SREBF1: variants seen among roughly 807,000 people sequenced by gnomAD.
The protein encoded by SREBF1 is sterol regulatory element-binding protein 1.
A neutral mutation model predicts 100.1 loss-of-function variants in SREBF1; 45 were observed. That is an observed-to-expected ratio of 0.45 (90% CI 0.35 to 0.58). The LOEUF (loss-of-function observed/expected upper bound fraction) is 0.58. Among genes scored for constraint, SREBF1 ranks in the 20% least tolerant of loss-of-function variants. SREBF1 has a pLI of 0.00. For missense variants in SREBF1, 1,324 were observed against 1,539.4 expected, an observed-to-expected ratio of 0.86 and a Z score of 2.34; for synonymous variants, 657 against 681.8, an observed-to-expected ratio of 0.96 and a Z score of 0.57.
At chr17:17,816,162 GGA>G in intron 11 of SREBF1, 43 bp downstream of exon 11, 1 of 761,682 alleles carries the variant, frequency 1.3e-6, no homozygotes, top group Non-Finnish European at 1.6e-6. Context: ...GGGAGCCTCT[GGA>G]GAGAGCTGCA....
chr17:17,826,618 C>T lies in SREBF1; in HGVS notation c.92-6097G>A, dbSNP rs1213347140. 2.0e-5 allele frequency among the ~76,000 whole-genome samples: 3 copies of T among 152,220 alleles called. No homozygotes were observed. The East Asian group carries it at 5.8e-4, about 29-fold the overall frequency. On this transcript the variant is annotated intron_variant, in intron 1 of 18. Coordinates refer to ENST00000261646, the MANE Select transcript of SREBF1 (RefSeq NM_004176.5). ...AGGCTTGTGAAGCCCTGCCACCCCTCCCCAAGCCTGGGTTCCTCCTCTTCC... is the reference window on the plus strand; with the variant it reads ...AGGCTTGTGAAGCCCTGCCACCCCTTCCCAAGCCTGGGTTCCTCCTCTTCC...
At chr17:17,820,962 G>C in intron 1 of SREBF1, 1 of 247,870 alleles carries the variant, frequency 4.0e-6, no homozygotes, top group Non-Finnish European at 8.1e-6. Context: ...AGCATGTGCT[G>C]AGTGCTGAGT....
rs529689353 is a variant in SREBF1, at chr17:17,815,967, G to A, written c.2276C>T (p.Ala759Val). The change falls in exon 12 of 19, where the codon GCC becomes GTC. Residue 759 changes from alanine to valine, a missense_variant. Physicochemically the swap from Ala to Val is moderately conservative, Grantham distance 64 (BLOSUM62 0). Coordinates refer to ENST00000261646, the MANE Select transcript of SREBF1 (RefSeq NM_004176.5). ...CLAQSGSVPP[A>V]MQWLCHPVGH... is the part of the protein sequence containing the mutation. ...CACGGGGTGGCAGAGCCACTGCATG[G>A]CAGGAGGCACTGAGCCACTCTGTGC... 6.2e-7 allele frequency: 1 copy of A among 1,612,884 alleles called. No homozygotes were observed. The highest frequency in any genetic ancestry group is 2.2e-5 in the East Asian group (1 of 44,876).
chr17:17,816,841 C>T, intron 9 of SREBF1, 117 bp downstream of exon 9: 1 of 1,589,812 alleles, frequency 6.3e-7, no homozygotes, highest in Non-Finnish European at 8.6e-7. Context: ...TGGCTAGGCA[C>T]AGGGAGGACG....
rs74630210 is a variant in SREBF1 at position 17,834,254 on chromosome 17, A to T, written c.91+2473T>A. On this transcript the variant is annotated intron_variant, in intron 1 of 18. Coordinates refer to ENST00000261646, the MANE Select transcript of SREBF1 (RefSeq NM_004176.5). Reference sequence around the variant, plus strand: ...CTACAGGCACATGTCACCCACACCCAGCTAATTTTTTATTTTTGTAGAGAC... The same window carrying T: ...CTACAGGCACATGTCACCCACACCCTGCTAATTTTTTATTTTTGTAGAGAC... 3.3e-4 allele frequency among the ~76,000 whole-genome samples: 50 copies of T among 152,224 alleles called. No homozygotes were observed. The East Asian group carries it at 7.2e-3, about 22-fold the overall frequency.
intron 1 of SREBF1, among the ~76,000 whole-genome samples, chr17:17,830,003 A>G (rs1598138742): frequency 6.6e-6 from 1 of 152,074 alleles, no homozygotes; most frequent in Non-Finnish European, 1.5e-5. Flanking sequence ...GGTGCTCCCC[A>G]CTGGCCTAGT....
In SREBF1 at chr17:17,812,127, A is replaced by T. The variant is rs557095159; in HGVS notation, c.*495T>A. 10 of 424,416 alleles carry T rather than the reference A, an allele frequency of 2.4e-5. No individual in the cohort carries two copies. Among genetic ancestry groups the T allele is most frequent in the African/African-American group, 2.1e-4 (10 of 47,420 alleles). 26.3% of individuals were successfully genotyped at this position (424,416 alleles called of 1,614,324 possible). On this transcript the variant is annotated 3_prime_UTR_variant, in exon 19 of 19. Coordinates refer to ENST00000261646, the MANE Select transcript of SREBF1 (RefSeq NM_004176.5). Reference sequence around the variant, plus strand: ...TCTGTACAAAACTTCTCAATCTATGAAAATAAAGTTTGCAAAAGGCAAAGT... The same window carrying T: ...TCTGTACAAAACTTCTCAATCTATGTAAATAAAGTTTGCAAAAGGCAAAGT...
Position 17,819,356 on chromosome 17 carries a change from C to CA in SREBF1, c.809dup (p.Val271GlyfsTer62). 3 of 1,613,840 alleles carry CA rather than the reference C, an allele frequency of 1.9e-6. No homozygotes were observed. The highest frequency in any genetic ancestry group is 2.5e-6 in the Non-Finnish European group (3 of 1,180,050). ...CTGTCTGCACAGTGGTGCCAGAGAC[C>CA]AGGGGACTGAGACCTGCCGCCTTCA... On this transcript the variant is annotated frameshift_variant, in exon 4 of 19. Transcript: ENST00000261646. LOFTEE classifies it high-confidence loss of function.
At position 17,813,426 on chromosome 17, in the gene SREBF1, C is replaced by T; in HGVS notation, c.3156G>A (p.Arg1052=). 6.2e-7 allele frequency: 1 copy of T among 1,600,888 alleles called. No homozygotes were observed. Among genetic ancestry groups the T allele is most frequent in the Non-Finnish European group, 8.5e-7 (1 of 1,174,994 alleles). The part of the protein sequence containing the change: ...ARLMAGASPT[R]THQLLDRSLR... ...GACTGCGGTCGAGGAGCTGGTGTGT[C>T]CGTGTGGGGCTGGCCCCCGCCATCA... Residue 1052 remains arginine, a synonymous_variant, in exon 18 of 19, where the codon CGG becomes CGA. Transcript: ENST00000261646.
intron 1 of SREBF1, among the ~76,000 whole-genome samples, chr17:17,826,976 T>C (rs1263115231): frequency 6.6e-6 from 1 of 152,182 alleles, no homozygotes; most frequent in African/African-American, 2.4e-5. Flanking sequence ...TGACAATATC[T>C]ACTGTGTGCC....
Position 17,817,383 on chromosome 17 carries a change from G to C in SREBF1, c.1479C>G (p.Leu493=), listed in dbSNP as rs754950812. The C allele has an allele frequency of 5.6e-6, 9 of 1,606,728 alleles. No homozygotes were observed. Among genetic ancestry groups the C allele is most frequent in the Admixed American group, 1.7e-5 (1 of 59,082 alleles). ...LDRSRLALCT[L]VFLCLSCNPL... ...GGTTGCAGGACAGGCAGAGGAAGAC[G>C]AGCGTGCACAGGGCCAGGCGGGAGC... Residue 493 remains leucine, a synonymous_variant, in exon 8 of 19, where the codon CTC becomes CTG. Coordinates refer to ENST00000261646, the MANE Select transcript of SREBF1 (RefSeq NM_004176.5). This position sits in a 1 kb window ranked among gnomAD's most constrained non-coding sequence, Gnocchi z 6.6.
intron 13 of SREBF1, 58 bp from the exon 14 acceptor site, chr17:17,815,002 C>G: frequency 6.9e-7 from 1 of 1,458,506 alleles, no homozygotes; most frequent in African/African-American, 1.4e-5. Context: ...GGAGGGTGCT[C>G]CCCACCTGCC....
At chr17:17,816,818 G>T in intron 9 of SREBF1, 100 bp from the exon 10 acceptor site, 1 of 1,575,720 alleles carries the variant, frequency 6.3e-7, no homozygotes, top group Non-Finnish European at 8.6e-7. Context: ...GGTGGTGGGG[G>T]TCTGCGGATG....
rs769497316 is a variant in SREBF1 at position 17,817,213 on chromosome 17, C to A, written c.1606+43G>T. On this transcript the variant is annotated intron_variant, in intron 8 of 18. Transcript: ENST00000261646. This position sits in a 1 kb window ranked among gnomAD's most constrained non-coding sequence, Gnocchi z 6.6. ...CAAGTTCACAAGCCTGGGGGCTCAC[C>A]CCGAGTGTCCCTCCCAAAGATGCCC... The A allele has an allele frequency of 3.1e-6, 5 of 1,609,184 alleles. No individual in the cohort carries two copies. The African/African-American group carries it at 5.3e-5, about 17-fold the overall frequency.
At chr17:17,815,119 C>T (rs2033414379) in intron 13 of SREBF1, 102 bp downstream of exon 13, 33 of 1,298,764 alleles carry the variant, frequency 2.5e-5, no homozygotes, top group South Asian at 1.4e-4. Flanking sequence ...ATGGCACGCA[C>T]GGTAGCCCAG....
At position 17,813,767 on chromosome 17, in the gene SREBF1, G is replaced by C; in HGVS notation, c.2904C>G (p.Ala968=). Residue 968 remains alanine, a splice_region_variant and synonymous_variant, in exon 17 of 19, where the codon GCC becomes GCG. Transcript: ENST00000261646. ...GCAGGTCACACAGGAACAGCTGCACGGCCTGGGGGTGGCAGGCAGGGCAGG... is the reference window on the plus strand; with the variant it reads ...GCAGGTCACACAGGAACAGCTGCACCGCCTGGGGGTGGCAGGCAGGGCAGG... ...TTPASSSIDK[A]VQLFLCDLLL... 6.5e-7 allele frequency: 1 copy of C among 1,535,298 alleles called. No individual in the cohort carries two copies. The highest frequency in any genetic ancestry group is 8.7e-7 in the Non-Finnish European group (1 of 1,146,630).
At position 17,817,191 on chromosome 17, in the gene SREBF1, G is replaced by T; in HGVS notation, c.1607-55C>A. 1 of 1,612,018 alleles carries T rather than the reference G, an allele frequency of 6.2e-7. No homozygotes were observed. Among genetic ancestry groups the T allele is most frequent in the South Asian group, 1.1e-5 (1 of 91,022 alleles). The stretch of plus-strand genomic sequence containing the variant: ...GCTCCCAGGAAATCCAGAGCCCCAA[G>T]TTCACAAGCCTGGGGGCTCACCCCG... On this transcript the variant is annotated intron_variant, in intron 8 of 18. Coordinates refer to ENST00000261646, the MANE Select transcript of SREBF1 (RefSeq NM_004176.5). This position sits in a 1 kb window ranked among gnomAD's most constrained non-coding sequence, Gnocchi z 6.6.
chr17:17,823,432 T>C, intron 1 of SREBF1: 3 of 1,025,170 alleles, frequency 2.9e-6, no homozygotes, highest in Non-Finnish European at 3.1e-6. Flanking sequence ...TCAAGTTGCG[T>C]AGCCCGCATG....
At chr17:17,833,727 T>TA (rs1379244100) in intron 1 of SREBF1, among the ~76,000 whole-genome samples, 2 of 152,072 alleles carry the variant, frequency 1.3e-5, no homozygotes, top group African/African-American at 4.8e-5. Flanking sequence ...TCATGCCCTG[T>TA]AATCCCAGCA....
Sources: allele counts gnomAD v4.1 joint callset (sites outside exome capture counted in the v4.1 genomes callset), GRCh38; gene constraint gnomAD v4.1.1; non-coding constraint Gnocchi (gnomAD v3.1); transcripts MANE v1.5; gene names NCBI Gene and HGNC (gene_info 2026-07-23, HGNC 2026-07-21).